Variants in IRAG1 observed in about 807,000 individuals in gnomAD.
IRAG1 encodes the protein IP3R-associated cGMP kinase substrate.
Under a neutral mutation model 106.2 loss-of-function variants are expected in IRAG1, and 62 were observed. The ratio of observed to expected loss-of-function variants is 0.58; its 90% CI spans 0.48 to 0.72. IRAG1 has a LOEUF of 0.72. Among genes scored for constraint, IRAG1 ranks in the 30% least tolerant of loss-of-function variants. The pLI, the probability that IRAG1 is intolerant of heterozygous loss-of-function variation, is 0.00. For synonymous variants in IRAG1, 462 were observed against 443.9 expected (o/e 1.04, Z -0.51); for missense variants, 1,064 against 1,140.7 (o/e 0.93, Z 0.97).
chr11:10,588,683 C>CA (rs1489227738), intron 18 of IRAG1, among the ~76,000 whole-genome samples: 5 of 152,156 alleles, frequency 3.3e-5, no homozygotes, highest in African/African-American at 1.2e-4. Context: ...CTCTTCCCCC[C>CA]ACTTCCCCAG....
chr11:10,684,602 T>TATAATAATA (rs72177457), intron 1 of IRAG1, among the ~76,000 whole-genome samples: 113 of 138,950 alleles, frequency 8.1e-4, no homozygotes, highest in African/African-American at 1.7e-3. Context: ...AAACTTAAAG[T>TATAATAATA]ATAATAATAA....
In IRAG1 at chr11:10,628,601, CT is replaced by C. The variant is rs1369518931; in HGVS notation, c.652+149del. The C allele has an allele frequency of 4.5e-6, 3 of 664,078 alleles. No homozygotes were observed. The highest frequency in any genetic ancestry group is 3.0e-5 in the East Asian group (1 of 32,916). The allele number at this position is 664,078 out of a possible 1,614,324, so 41.1% of individuals were successfully genotyped here. On this transcript the variant is annotated intron_variant, in intron 6 of 20. Transcript: ENST00000423302. The surrounding 1 kb of genome is among the most constrained non-coding windows in gnomAD (Gnocchi z 4.1). ...CTGGGTGGCCCAGCAAATGCCCCCCCTGGAGAGGGGTCTTGCTCTGGGTGTG... is the reference window on the plus strand; with the variant it reads ...CTGGGTGGCCCAGCAAATGCCCCCCCGGAGAGGGGTCTTGCTCTGGGTGTG...
intron 10 of IRAG1, among the ~76,000 whole-genome samples, chr11:10,621,915 A>G (rs1855865594): frequency 1.3e-5 from 2 of 152,154 alleles, no homozygotes; most frequent in African/African-American, 4.8e-5. Context: ...ATACATAGAG[A>G]CAGAAAGTAG....
rs12287176 is a variant in IRAG1, at chr11:10,648,055, T to A, written c.225+3970A>T. 7.4e-3 allele frequency among the ~76,000 whole-genome samples: 1,122 copies of A among 152,194 alleles called. 11 individuals are homozygous for A. The highest frequency in any genetic ancestry group is 0.025 in the African/African-American group (1,048 of 41,512). On this transcript the variant is annotated intron_variant, in intron 2 of 20. Transcript: ENST00000423302. ...TCCTTGGGAGGCGGTGAGCTTTTCA[T>A]TATAGAAATATTCCTACAGATTCCT...
intron 15 of IRAG1, among the ~76,000 whole-genome samples, chr11:10,595,466 A>G (rs1318468717): frequency 6.6e-6 from 1 of 152,166 alleles, no homozygotes; most frequent in Non-Finnish European, 1.5e-5. Context: ...CTGACTTTAA[A>G]TTTAAAATTA....
At chr11:10,591,750 T>A in intron 17 of IRAG1, 138 bp from the exon 18 acceptor site, 1 of 799,408 alleles carries the variant, frequency 1.3e-6, no homozygotes, top group Non-Finnish European at 2.1e-6. Context: ...CCAATCTTCA[T>A]CTGAGCCCAG....
Position 10,652,013 on chromosome 11 carries a change from G to C in IRAG1, c.225+12C>G, listed in dbSNP as rs915814869. ...CAGCCAGGCTAGCTGAGGGCAGGGAGGGGGCACTTACTTGGCCGGCAGGGC... is the reference window on the plus strand; with the variant it reads ...CAGCCAGGCTAGCTGAGGGCAGGGACGGGGCACTTACTTGGCCGGCAGGGC... On this transcript the variant is annotated intron_variant, in intron 2 of 20. Coordinates refer to ENST00000423302, the MANE Select transcript of IRAG1 (RefSeq NM_130385.4). 1 of 1,555,374 alleles carries C rather than the reference G, an allele frequency of 6.4e-7. No individual in the cohort carries two copies. Among genetic ancestry groups the C allele is most frequent in the Non-Finnish European group, 8.7e-7 (1 of 1,151,412 alleles).
At chr11:10,611,616 T>C (rs1333815717) in intron 10 of IRAG1, 1 of 151,854 alleles carries the variant, frequency 6.6e-6, no homozygotes, top group African/African-American at 2.4e-5. Context: ...CACAAGAAAC[T>C]CTAAGATACA....
chr11:10,667,267 A>G (rs926568213), intron 1 of IRAG1, among the ~76,000 whole-genome samples: 2 of 151,934 alleles, frequency 1.3e-5, no homozygotes, highest in African/African-American at 4.8e-5. Flanking sequence ...GATCCCCTAC[A>G]CAGGGCCCTT....
intron 1 of IRAG1, among the ~76,000 whole-genome samples, chr11:10,690,603 T>C (rs1861984628): frequency 6.6e-6 from 1 of 152,110 alleles, no homozygotes; most frequent in Non-Finnish European, 1.5e-5. Flanking sequence ...TTCCCTCTAT[T>C]CGTGATTTTC....
intron 1 of IRAG1, among the ~76,000 whole-genome samples, chr11:10,652,969 A>G (rs1858640110): frequency 6.6e-6 from 1 of 152,094 alleles, no homozygotes; most frequent in African/African-American, 2.4e-5. Context: ...AAGCCAGGCT[A>G]TCCCTTCCCC....
Position 10,629,683 on chromosome 11 carries a change from C to T in IRAG1, c.429G>A (p.Val143=). Reference sequence around the variant, plus strand: ...TGCTGATGTCTGGCAGCTGGTCATTCACCAGGTCAATGATGTGCCCCGCGG... The same window carrying T: ...TGCTGATGTCTGGCAGCTGGTCATTTACCAGGTCAATGATGTGCCCCGCGG... ...VDPAGHIIDL[V]NDQLPDISIS... The change falls in exon 5 of 21, where the codon GTG becomes GTA. Residue 143 remains valine, a synonymous_variant. Transcript: ENST00000423302. The T allele has an allele frequency of 2.5e-6, 4 of 1,613,864 alleles. No individual in the cohort carries two copies. The highest frequency in any genetic ancestry group is 3.4e-6 in the Non-Finnish European group (4 of 1,179,830).
intron 12 of IRAG1, 92 bp downstream of exon 12, chr11:10,606,650 A>T: frequency 7.7e-7 from 1 of 1,304,926 alleles, no homozygotes; most frequent in Middle Eastern, 1.9e-4. Context: ...TTTGTCTAAA[A>T]ATGTCAGAGC....
intron 2 of IRAG1, among the ~76,000 whole-genome samples, chr11:10,637,425 G>A (rs1324018852): frequency 1.3e-5 from 2 of 152,162 alleles, no homozygotes; most frequent in Non-Finnish European, 2.9e-5. Flanking sequence ...TTTCTGAAAA[G>A]CAACAACTCA....
chr11:10,686,727 T>C (rs1333772512), intron 1 of IRAG1, among the ~76,000 whole-genome samples: 6 of 152,186 alleles, frequency 3.9e-5, no homozygotes, highest in Admixed American at 3.9e-4. Flanking sequence ...CTGATGGTTT[T>C]GGTTTGACTC....
At chr11:10,609,612 G>T in intron 11 of IRAG1, 116 bp downstream of exon 11, 2 of 1,205,988 alleles carry the variant, frequency 1.7e-6, no homozygotes, top group Non-Finnish European at 2.3e-6. Context: ...TAGACAATTG[G>T]ACTTTGGCCC....
chr11:10,685,999 A>T (rs187637921), intron 1 of IRAG1, among the ~76,000 whole-genome samples: 1 of 152,236 alleles, frequency 6.6e-6, no homozygotes, highest in East Asian at 1.9e-4. Flanking sequence ...AACAAGAAAG[A>T]TGTCTTAGGT....
intron 20 of IRAG1, among the ~76,000 whole-genome samples, chr11:10,579,621 C>T (rs1235618546): frequency 6.7e-6 from 1 of 149,318 alleles, no homozygotes; most frequent in Non-Finnish European, 1.5e-5. Flanking sequence ...GGTAGAGTAA[C>T]ACCTCATCTA....
Position 10,574,595 on chromosome 11 carries a change from T to C in IRAG1, c.*1737A>G, listed in dbSNP as rs1190750887. 2.0e-5 allele frequency: 3 copies of C among 152,118 alleles called. No individual in the cohort carries two copies. The highest frequency in any genetic ancestry group is 1.3e-4 in the Admixed American group (2 of 15,254). The allele number at this position is 152,118 out of a possible 1,614,324, so 9.4% of individuals were successfully genotyped here. A position where few individuals can be genotyped will look rare whatever the true frequency, so the allele number is the denominator to read the frequency against. ...GGAAGGAAGGTCATCAAAGCTGGTA[T>C]GGAGGGGATAATTTTTGCACTCGGT... On this transcript the variant is annotated 3_prime_UTR_variant, in exon 21 of 21. Transcript: ENST00000423302.
Sources: allele counts gnomAD v4.1 joint callset (sites outside exome capture counted in the v4.1 genomes callset), GRCh38; gene constraint gnomAD v4.1.1; non-coding constraint Gnocchi (gnomAD v3.1); transcripts MANE v1.5; gene names NCBI Gene and HGNC (gene_info 2026-07-23, HGNC 2026-07-21).